Variants in MARCHF6 observed in about 807,000 individuals in gnomAD.
The protein encoded by MARCHF6 is E3 ubiquitin-protein ligase MARCHF6.
A neutral mutation model predicts 133.7 loss-of-function variants in MARCHF6; 31 were observed. The ratio of observed to expected loss-of-function variants is 0.23; its 90% CI spans 0.17 to 0.31. The LOEUF is 0.31. Among genes scored for constraint, MARCHF6 ranks in the 10% least tolerant of loss-of-function variants. MARCHF6 has a pLI of 1.00. For synonymous variants in MARCHF6, 395 were observed against 402.5 expected (o/e 0.98, Z 0.22); for missense variants, 723 against 1,121.6 (o/e 0.64, Z 5.08).
At chr5:10,395,118 A>G (rs945159625) in intron 9 of MARCHF6, among the ~76,000 whole-genome samples, 2 of 152,190 alleles carry the variant, frequency 1.3e-5, no homozygotes, top group African/African-American at 4.8e-5. Context: ...TCTTTCTAGT[A>G]ACAGAATTGG....
intron 18 of MARCHF6, among the ~76,000 whole-genome samples, chr5:10,411,045 G>A (rs566179028): frequency 1.3e-5 from 2 of 151,944 alleles, no homozygotes; most frequent in Admixed American, 1.3e-4. Context: ...TAAGTATCTT[G>A]TACATTGTAC....
At chr5:10,416,137 G>A (rs1407586787) in intron 21 of MARCHF6, among the ~76,000 whole-genome samples, 1 of 152,140 alleles carries the variant, frequency 6.6e-6, no homozygotes, top group East Asian at 1.9e-4. Flanking sequence ...TGGACACTTT[G>A]TAACATTATT....
chr5:10,380,548 CTAT>C (rs1202433421), intron 3 of MARCHF6, among the ~76,000 whole-genome samples: 3 of 152,112 alleles, frequency 2.0e-5, no homozygotes, highest in African/African-American at 7.2e-5. Flanking sequence ...CAAAAAATCT[CTAT>C]TATTCCTGGT....
At chr5:10,372,651 G>A (rs1736540293) in intron 1 of MARCHF6, among the ~76,000 whole-genome samples, 2 of 152,046 alleles carry the variant, frequency 1.3e-5, no homozygotes, top group Non-Finnish European at 2.9e-5. Context: ...AATTTTGGAA[G>A]TATTTATTAA....
intron 1 of MARCHF6, among the ~76,000 whole-genome samples, chr5:10,372,116 AT>A (rs1445363737): frequency 6.6e-6 from 1 of 151,948 alleles, no homozygotes; most frequent in African/African-American, 2.4e-5. Context: ...ATGCCAATTA[AT>A]TACTTAAAAT....
chr5:10,416,479 T>C (rs1039393596), intron 21 of MARCHF6, among the ~76,000 whole-genome samples: 2 of 152,228 alleles, frequency 1.3e-5, no homozygotes, highest in Non-Finnish European at 2.9e-5. Context: ...GAGACAACCA[T>C]ATTTAAAATA....
intron 12 of MARCHF6, 34 bp from the exon 13 acceptor site, chr5:10,402,350 A>G: frequency 6.4e-7 from 1 of 1,572,478 alleles, no homozygotes; most frequent in Non-Finnish European, 8.7e-7. Flanking sequence ...TTGTACCTTT[A>G]AATACTCAGT....
At chr5:10,425,360 C>T (rs1317314635) in intron 23 of MARCHF6, among the ~76,000 whole-genome samples, 1 of 152,076 alleles carries the variant, frequency 6.6e-6, no homozygotes, top group African/African-American at 2.4e-5. Context: ...TAGCCTCTGG[C>T]CCTTGAAAAA....
Position 10,353,856 on chromosome 5 carries a change from G to A in MARCHF6, c.-43G>A. 6.5e-7 allele frequency: 1 copy of A among 1,548,618 alleles called. No individual in the cohort carries two copies. Among genetic ancestry groups the A allele is most frequent in the Non-Finnish European group, 8.7e-7 (1 of 1,150,484 alleles). On this transcript the variant is annotated 5_prime_UTR_variant, in exon 1 of 26. Transcript: ENST00000274140. ...CCCCTCCCTCTTTCCCCGCCCGGCC[G>A]CGGGAGCCTCGTGGCTGCGTCACCG...
intron 23 of MARCHF6, among the ~76,000 whole-genome samples, chr5:10,424,531 G>A (rs957399568): frequency 3.9e-5 from 6 of 152,174 alleles, no homozygotes; most frequent in Non-Finnish European, 7.3e-5. Flanking sequence ...TTTTTAGGGT[G>A]GCATATTGTG....
At chr5:10,421,511 T>C (rs914162103) in intron 22 of MARCHF6, among the ~76,000 whole-genome samples, 2 of 152,338 alleles carry the variant, frequency 1.3e-5, no homozygotes, top group Non-Finnish European at 1.5e-5. Flanking sequence ...TTTAAGCTAC[T>C]TGCCTTTCCT....
At chr5:10,425,864 C>G (rs1740055553) in intron 23 of MARCHF6, among the ~76,000 whole-genome samples, 1 of 152,128 alleles carries the variant, frequency 6.6e-6, no homozygotes, top group Admixed American at 6.5e-5. Context: ...CTTGGACTTG[C>G]TTTTTTTATA....
At chr5:10,416,305 C>A (rs534916177) in intron 21 of MARCHF6, among the ~76,000 whole-genome samples, 38 of 152,292 alleles carry the variant, frequency 2.5e-4, no homozygotes, top group Admixed American at 8.5e-4. Context: ...TTTGTATAAT[C>A]AACTCTTAAT....
intron 22 of MARCHF6, among the ~76,000 whole-genome samples, chr5:10,421,618 A>T (rs1226628620): frequency 1.3e-5 from 2 of 152,180 alleles, no homozygotes; most frequent in Non-Finnish European, 2.9e-5. Context: ...GAGGACTGCA[A>T]AGCAGTGGGT....
Position 10,431,654 on chromosome 5 carries a change from A to G in MARCHF6, c.2642+1626A>G, listed in dbSNP as rs541662724. Among the ~76,000 whole-genome samples the G allele has an allele frequency of 2.8e-4, 42 of 148,380 alleles. No individual in the cohort carries two copies. In the South Asian group the frequency reaches 8.4e-3, roughly 30 times the overall value. ...GTGTGTGTGTGTGTGTGTGTGTGAG[A>G]GTGTATGTGTGTGTGTGGTGGGCTT... On this transcript the variant is annotated intron_variant, in intron 25 of 25. Coordinates refer to ENST00000274140, the MANE Select transcript of MARCHF6 (RefSeq NM_005885.4).
intron 16 of MARCHF6, among the ~76,000 whole-genome samples, chr5:10,406,876 C>T (rs759428802): frequency 2.0e-5 from 3 of 152,106 alleles, no homozygotes; most frequent in Non-Finnish European, 2.9e-5. Flanking sequence ...TCCGTTTTAG[C>T]ATTTGTGTCC....
rs765880263 is a variant in MARCHF6, at chr5:10,437,276, A to G, written c.*3592A>G. The G allele has an allele frequency of 1.2e-4, 18 of 152,356 alleles. No individual in the cohort carries two copies. The highest frequency in any genetic ancestry group is 3.4e-3 in the Middle Eastern group (1 of 294). The allele number at this position is 152,356 out of a possible 1,614,324, so 9.4% of individuals were successfully genotyped here. A position where few individuals can be genotyped will look rare whatever the true frequency, so the allele number is the denominator to read the frequency against. On this transcript the variant is annotated 3_prime_UTR_variant, in exon 26 of 26. Transcript: ENST00000274140. Reference sequence around the variant, plus strand: ...TTCTACATTGTAAAATTAAAAGATTATATTTAAAATACTTCTTTAGGATGT... The same window carrying G: ...TTCTACATTGTAAAATTAAAAGATTGTATTTAAAATACTTCTTTAGGATGT...
intron 7 of MARCHF6, 140 bp downstream of exon 7, chr5:10,391,871 C>G: frequency 1.1e-6 from 1 of 882,876 alleles, no homozygotes; most frequent in Non-Finnish European, 1.5e-6. Context: ...TTTTGGCAAA[C>G]TGGCATTTAT....
intron 1 of MARCHF6, among the ~76,000 whole-genome samples, chr5:10,360,144 G>GTGT (rs1554018128): frequency 1.3e-5 from 1 of 75,122 alleles, no homozygotes; most frequent in African/African-American, 5.3e-5. Context: ...ATGTGTGTGT[G>GTGT]TTTTTTTTTT....
Sources: gnomAD v4.1 joint callset for allele counts (sites outside exome capture counted in the v4.1 genomes callset) on GRCh38, gnomAD v4.1.1 for gene constraint, MANE v1.5 for transcripts, NCBI Gene and HGNC (gene_info 2026-07-23, HGNC 2026-07-21) for gene names.